Variants in TK1 observed in about 807,000 individuals in gnomAD.
The protein encoded by TK1 is thymidine kinase 1.
Under a neutral mutation model 22.4 loss-of-function variants are expected in TK1, and 13 were observed. The ratio of observed to expected loss-of-function variants is 0.58; its 90% CI spans 0.38 to 0.92. TK1 has a LOEUF of 0.92. TK1 is among the 40% of genes least tolerant of loss of function. The pLI is 0.00. For synonymous variants in TK1, 134 were observed against 125.4 expected (o/e 1.07, Z -0.46); for missense variants, 251 against 315.7 (o/e 0.80, Z 1.55).
At chr17:78,181,910 A>G (rs1053612323) in intron 4 of TK1, among the ~76,000 whole-genome samples, 3 of 148,876 alleles carry the variant, frequency 2.0e-5, no homozygotes, top group African/African-American at 7.4e-5. Context: ...GTGCGCTGCT[A>G]TGACTGGCTA....
intron 4 of TK1, among the ~76,000 whole-genome samples, chr17:78,180,198 AC>A (rs560473021): frequency 7.1e-4 from 108 of 152,344 alleles, no homozygotes; most frequent in Admixed American, 1.8e-3. Flanking sequence ...TGAAAACCTC[AC>A]ACCCAGGGGC....
In TK1 at chr17:78,176,816, C is replaced by G. The variant is rs533782466; in HGVS notation, c.304-1198G>C. 3.3e-5 allele frequency among the ~76,000 whole-genome samples: 5 copies of G among 152,272 alleles called. No individual in the cohort carries two copies. The South Asian group carries it at 1.0e-3, about 32-fold the overall frequency. ...GTGTAGGGTGTTGGGCTGCGTCCCT[C>G]GCCCCCACCCATTAGATAGATGCCA... On this transcript the variant is annotated intron_variant, in intron 4 of 6. Coordinates refer to ENST00000301634, the MANE Select transcript of TK1 (RefSeq NM_003258.5).
At chr17:78,184,838 T>C (rs2075769092) in intron 3 of TK1, among the ~76,000 whole-genome samples, 1 of 152,104 alleles carries the variant, frequency 6.6e-6, no homozygotes. Flanking sequence ...CATTGTCAAA[T>C]GGACCCTGGC....
chr17:78,183,677 CAGAG>C (rs367999723), intron 3 of TK1: 1 of 152,246 alleles, frequency 6.6e-6, no homozygotes, highest in Non-Finnish European at 1.5e-5. Context: ...GCCTGGGTGA[CAGAG>C]AGAGACCCTG....
Position 78,174,769 on chromosome 17 carries a change from G to A in TK1, c.695C>T (p.Pro232Leu), listed in dbSNP as rs769935622. The A allele has an allele frequency of 5.0e-6, 8 of 1,606,138 alleles. No homozygotes were observed. In the Admixed American group the frequency reaches 1.2e-4, roughly 24 times the overall value. Residue 232 changes from proline (P) to leucine (L), a missense_variant, in exon 7 of 7, where the codon CCT (proline) becomes CTT (leucine). Physicochemically the swap from Pro to Leu is moderately conservative, Grantham distance 98 (BLOSUM62 -3). Transcript: ENST00000301634. ...GCCCTCGCAGGTCCCTCAGTTGGCA[G>A]GGCTGCATTGCAGAATCTGCTGTGG... ...FAPQQILQCS[P>L]AN is the part of the protein sequence containing the mutation.
chr17:78,186,097 TAAAAA>T (rs926711728), intron 2 of TK1, among the ~76,000 whole-genome samples: 2 of 146,376 alleles, frequency 1.4e-5, no homozygotes, highest in African/African-American at 2.7e-5. Flanking sequence ...CCCAGCTCTA[TAAAAA>T]TAAAATAAAA....
At chr17:78,180,926 C>T (rs1331566635) in intron 4 of TK1, among the ~76,000 whole-genome samples, 1 of 152,182 alleles carries the variant, frequency 6.6e-6, no homozygotes, top group Non-Finnish European at 1.5e-5. Context: ...TGAGCAAAAA[C>T]ACAATGACCA....
chr17:78,181,043 G>A (rs1411888912), intron 4 of TK1, among the ~76,000 whole-genome samples: 1 of 152,200 alleles, frequency 6.6e-6, no homozygotes, highest in Non-Finnish European at 1.5e-5. Context: ...GAGGTCAGGA[G>A]TTCCAGACCA....
At chr17:78,179,679 C>T in intron 4 of TK1, 3 of 985,426 alleles carry the variant, frequency 3.0e-6, no homozygotes, top group Non-Finnish European at 3.6e-6. Flanking sequence ...GGTATTCAGG[C>T]CAGAGCGGCC....
At chr17:78,181,439 G>A (rs758396556) in intron 4 of TK1, among the ~76,000 whole-genome samples, 7 of 151,468 alleles carry the variant, frequency 4.6e-5, no homozygotes, top group South Asian at 2.1e-4. Flanking sequence ...CTTGGGAGGC[G>A]AGGTGGGAAA....
intron 3 of TK1, among the ~76,000 whole-genome samples, chr17:78,184,376 G>C (rs373023825): frequency 6.6e-6 from 1 of 152,210 alleles, no homozygotes; most frequent in Admixed American, 6.6e-5. Flanking sequence ...TTGCCACTGG[G>C]TGCCCAGGTG....
chr17:78,181,807 G>A (rs907383088), intron 4 of TK1, among the ~76,000 whole-genome samples: 1 of 151,916 alleles, frequency 6.6e-6, no homozygotes, highest in Admixed American at 6.6e-5. Context: ...CGCCCGGGCT[G>A]GAGTGCAGTG....
At chr17:78,180,439 C>T (rs1326701854) in intron 4 of TK1, among the ~76,000 whole-genome samples, 1 of 152,212 alleles carries the variant, frequency 6.6e-6, no homozygotes, top group Non-Finnish European at 1.5e-5. Context: ...GTTTCAGTTT[C>T]ATTCTTTGTG....
chr17:78,182,178 C>T (rs559217286), intron 4 of TK1, among the ~76,000 whole-genome samples: 9 of 151,818 alleles, frequency 5.9e-5, no homozygotes, highest in Non-Finnish European at 8.8e-5. Context: ...AGTTTGAGAC[C>T]AGCTTGACCA....
At chr17:78,182,302 G>C (rs545252478) in intron 4 of TK1, among the ~76,000 whole-genome samples, 3 of 151,050 alleles carry the variant, frequency 2.0e-5, no homozygotes, top group Admixed American at 1.3e-4. Context: ...CTTGAACCCA[G>C]GAAGCAAAGT....
At chr17:78,186,673 G>A (rs935896537) in intron 2 of TK1, 114 bp downstream of exon 2, 2 of 997,184 alleles carry the variant, frequency 2.0e-6, no homozygotes, top group Admixed American at 2.3e-5. Context: ...GGAAGGGAAG[G>A]GGAGGGAAGG....
At chr17:78,176,070 T>G (rs2075697326) in intron 4 of TK1, among the ~76,000 whole-genome samples, 1 of 152,180 alleles carries the variant, frequency 6.6e-6, no homozygotes, top group African/African-American at 2.4e-5. Flanking sequence ...GGCCCTAAGT[T>G]ATATACATGC....
chr17:78,177,575 A>ATTTTTT (rs148116384), intron 4 of TK1, among the ~76,000 whole-genome samples: 1 of 143,686 alleles, frequency 7.0e-6, no homozygotes, highest in Non-Finnish European at 1.5e-5. Flanking sequence ...AAAAAGGTCT[A>ATTTTTT]TTTTTTTTTT....
At chr17:78,180,688 A>G (rs1439313526) in intron 4 of TK1, among the ~76,000 whole-genome samples, 2 of 152,244 alleles carry the variant, frequency 1.3e-5, no homozygotes, top group African/African-American at 2.4e-5. Context: ...AAAAATAGTC[A>G]CTGAAACAAA....
Sources: allele counts gnomAD v4.1 joint callset (sites outside exome capture counted in the v4.1 genomes callset), GRCh38; gene constraint gnomAD v4.1.1; transcripts MANE v1.5; gene names NCBI Gene and HGNC (gene_info 2026-07-23, HGNC 2026-07-21).